Variants in PIK3R3 observed in about 807,000 individuals in gnomAD.
PIK3R3 encodes phosphatidylinositol 3-kinase regulatory subunit gamma.
Under a neutral mutation model 62.9 loss-of-function variants are expected in PIK3R3, and 64 were observed. The ratio of observed to expected loss-of-function variants is 1.02; its 90% CI spans 0.83 to 1.25. The LOEUF (loss-of-function observed/expected upper bound fraction) is 1.25, where lower values mean the gene tolerates loss of function less well. Ranked by LOEUF, PIK3R3 falls within the 50% of genes most tolerant of loss-of-function variation. The probability of loss-of-function intolerance (pLI) is 0.00; values close to 1 mark genes in which losing one functional copy is unlikely to be tolerated. For missense variants in PIK3R3, 614 were observed against 561.6 expected (o/e 1.09, Z -0.94); for synonymous variants, 165 against 189.0 (o/e 0.87, Z 1.04).
At chr1:46,165,751 CTTTTTTTTTTTTTTTTTTTTTTTTTTT>C in the PIK3R3 span, among the ~76,000 whole-genome samples, 1 of 39,540 alleles carries the variant, frequency 2.5e-5, no homozygotes, top group Admixed American at 4.3e-4. Flanking sequence ...CTGCTTTGTC[CTTTTTTTTTTTTTTTTTTTTTTTTTTT>C]TTTTTTTTTT....
chr1:46,084,646 C>A lies in PIK3R3; in HGVS notation c.107-3896G>T, dbSNP rs1650901301. On this transcript the variant is annotated intron_variant, in intron 1 of 9. Coordinates refer to ENST00000262741, the MANE Select transcript of PIK3R3 (RefSeq NM_003629.4). ...CAAGAATTAACAGTGTAAACTTGTG[C>A]TATACAAAGCACTGCACTATAGCTA... Among the ~76,000 whole-genome samples the A allele has an allele frequency of 2.0e-5, 3 of 152,292 alleles. No homozygotes were observed. The South Asian group carries it at 6.2e-4, about 32-fold the overall frequency.
At chr1:46,049,165 A>T (rs1647190212) in intron 7 of PIK3R3, among the ~76,000 whole-genome samples, 2 of 86,002 alleles carry the variant, frequency 2.3e-5, no homozygotes, top group African/African-American at 7.4e-5. Flanking sequence ...ATCTCTTCTT[A>T]AAAAAAAAAA....
At chr1:46,045,644 T>TTTTTTTTTTTTTTTTTTTTTTTTTTTTTC (rs370501368) in intron 9 of PIK3R3, among the ~76,000 whole-genome samples, 1 of 82,594 alleles carries the variant, frequency 1.2e-5, no homozygotes, top group African/African-American at 4.7e-5. Context: ...TTTTTTTTTT[T>TTTTTTTTTTTTTTTTTTTTTTTTTTTTTC]CAATTTAAGA....
the PIK3R3 span, among the ~76,000 whole-genome samples, chr1:46,167,264 A>T: frequency 6.6e-6 from 1 of 152,266 alleles, no homozygotes; most frequent in African/African-American, 2.4e-5. Flanking sequence ...AGCCGCGAGA[A>T]GGCTAGCTGC....
At chr1:46,106,131 T>C (rs986049421) in intron 1 of PIK3R3, among the ~76,000 whole-genome samples, 2 of 152,310 alleles carry the variant, frequency 1.3e-5, no homozygotes, top group African/African-American at 4.8e-5. Flanking sequence ...TGAGACACAG[T>C]CTTGCTCTGT....
chr1:46,046,620 A>C lies in PIK3R3; in HGVS notation c.947T>G (p.Leu316Arg). The part of the protein sequence containing the change: ...RKIRDQHLVW[L>R]NHKGVRQKRL... ...TTTCTGTCTCACTCCTTTGTGATTG[A>C]GCCATCTGCCAGAGGAAAGACACCA... Residue 316 changes from leucine (L) to arginine (R), a missense_variant, in exon 8 of 10, where the codon CTC becomes CGC. Leu to Arg is a moderately radical substitution (Grantham distance 102). Transcript: ENST00000262741. The C allele has an allele frequency of 6.2e-7, 1 of 1,612,104 alleles. No individual in the cohort carries two copies. Among genetic ancestry groups the C allele is most frequent in the Non-Finnish European group, 8.5e-7 (1 of 1,178,156 alleles).
chr1:46,043,519 C>G lies in PIK3R3; in HGVS notation c.*154G>C. 1 of 658,844 alleles carries G rather than the reference C, an allele frequency of 1.5e-6. No individual in the cohort carries two copies. Among genetic ancestry groups the G allele is most frequent in the Non-Finnish European group, 2.6e-6 (1 of 379,658 alleles). The allele number at this position is 658,844 out of a possible 1,614,324, so 40.8% of individuals were successfully genotyped here. On this transcript the variant is annotated 3_prime_UTR_variant, in exon 10 of 10. Coordinates refer to ENST00000262741, the MANE Select transcript of PIK3R3 (RefSeq NM_003629.4). ...AACCTCAGGCCTCTAATGCCCCCAT[C>G]CCGGCCGGCTGCTGCTCGGCCTCTC...
the PIK3R3 span, among the ~76,000 whole-genome samples, chr1:46,139,633 A>T: frequency 6.6e-6 from 1 of 151,758 alleles, no homozygotes; most frequent in East Asian, 1.9e-4. Context: ...AAACGGACTA[A>T]CTCTCCCTAA....
chr1:46,114,737 C>CGA (rs1269849756), intron 1 of PIK3R3, among the ~76,000 whole-genome samples: 7 of 149,762 alleles, frequency 4.7e-5, no homozygotes, highest in Non-Finnish European at 8.8e-5. Context: ...CCCAAGTAGC[C>CGA]GAGACTACAG....
At chr1:46,150,975 AT>A in the PIK3R3 span, among the ~76,000 whole-genome samples, 4 of 151,388 alleles carry the variant, frequency 2.6e-5, no homozygotes, top group African/African-American at 9.7e-5. Flanking sequence ...TGCCCAGCTA[AT>A]TTTTTTTGTA....
At chr1:46,106,126 C>T (rs1238692551) in intron 1 of PIK3R3, among the ~76,000 whole-genome samples, 2 of 152,240 alleles carry the variant, frequency 1.3e-5, no homozygotes, top group Middle Eastern at 3.4e-3. Context: ...TTTATTGAGA[C>T]ACAGTCTTGC....
At chr1:46,132,957 C>A (rs1475719268), upstream of PIK3R3, 7 of 1,116,670 alleles carry the variant, frequency 6.3e-6, no homozygotes, top group Non-Finnish European at 5.5e-6. Context: ...GAGTCAGTGC[C>A]GGGAGCACGC....
chr1:46,066,015 T>G (rs376141739), intron 5 of PIK3R3, 39 bp downstream of exon 5: 4 of 1,579,110 alleles, frequency 2.5e-6, no homozygotes, highest in Non-Finnish European at 2.6e-6. Flanking sequence ...AACTAAAACA[T>G]TGCACACATA....
intron 6 of PIK3R3, among the ~76,000 whole-genome samples, chr1:46,060,541 A>T (rs1648391251): frequency 6.6e-6 from 1 of 152,230 alleles, no homozygotes; most frequent in Non-Finnish European, 1.5e-5. Flanking sequence ...ATGTGCCAGG[A>T]TATATATTAC....
intron 1 of PIK3R3, among the ~76,000 whole-genome samples, chr1:46,082,243 T>C (rs796669161): frequency 3.9e-5 from 6 of 152,274 alleles, no homozygotes; most frequent in African/African-American, 1.2e-4. Flanking sequence ...CTGCCAAATA[T>C]GTATAAACTG....
chr1:46,164,503 C>T, the PIK3R3 span, among the ~76,000 whole-genome samples: 1 of 152,180 alleles, frequency 6.6e-6, no homozygotes. Flanking sequence ...GAAAACCCCT[C>T]AAGGGCTCTC....
At chr1:46,085,650 C>G (rs999182764) in intron 1 of PIK3R3, among the ~76,000 whole-genome samples, 1 of 152,170 alleles carries the variant, frequency 6.6e-6, no homozygotes, top group Non-Finnish European at 1.5e-5. Context: ...AATTCCAAAT[C>G]ATTAAGCTTT....
rs140271480 is a variant in PIK3R3 at position 46,091,802 on chromosome 1, G to A, written c.107-11052C>T. Among the ~76,000 whole-genome samples the A allele has an allele frequency of 3.0e-4, 45 of 152,216 alleles. 1 individual carries two copies. The East Asian group carries it at 7.9e-3, about 27-fold the overall frequency. On this transcript the variant is annotated intron_variant, in intron 1 of 9. Coordinates refer to ENST00000262741, the MANE Select transcript of PIK3R3 (RefSeq NM_003629.4). ...TTCAAAGTCCATTTTATAAAATGAC[G>A]TAATATTTGCATATAGCTTATGCAC...
chr1:46,063,919 G>C (rs1370995790), intron 5 of PIK3R3, among the ~76,000 whole-genome samples: 1 of 152,202 alleles, frequency 6.6e-6, no homozygotes, highest in Non-Finnish European at 1.5e-5. Context: ...GCTTCTTAAA[G>C]AGTTGTTTAT....
Sources: allele counts gnomAD v4.1 joint callset (sites outside exome capture counted in the v4.1 genomes callset), GRCh38; gene constraint gnomAD v4.1.1; transcripts MANE v1.5; gene names NCBI Gene and HGNC (gene_info 2026-07-23, HGNC 2026-07-21).